TINAG: variants seen among roughly 807,000 people sequenced by gnomAD.
TINAG encodes tubulointerstitial nephritis antigen.
In TINAG, 83 loss-of-function variants were observed where a neutral mutation model predicts 72.7. That is an observed-to-expected ratio of 1.14 (90% CI 0.96 to 1.37). The LOEUF is 1.37. Among genes scored for constraint, TINAG ranks in the 40% most tolerant of loss-of-function variants. The probability of loss-of-function intolerance (pLI) is 0.00; values close to 1 mark genes in which losing one functional copy is unlikely to be tolerated. For missense variants in TINAG, 685 were observed against 576.6 expected (o/e 1.19, Z -1.93); for synonymous variants, 234 against 189.9 (o/e 1.23, Z -1.91).
chr6:54,385,145 GAAAT>G (rs1212029361), intron 10 of TINAG, among the ~76,000 whole-genome samples: 1 of 151,386 alleles, frequency 6.6e-6, no homozygotes, highest in African/African-American at 2.4e-5. Context: ...ATAAATGAAA[GAAAT>G]AATAAACAGA....
intron 9 of TINAG, among the ~76,000 whole-genome samples, chr6:54,361,730 C>T (rs1763243154): frequency 6.6e-6 from 1 of 151,484 alleles, no homozygotes; most frequent in East Asian, 1.9e-4. Flanking sequence ...AAAAGTTAAC[C>T]CTCTTGTACT....
intron 8 of TINAG, among the ~76,000 whole-genome samples, 187 bp downstream of exon 8, chr6:54,351,584 C>T (rs1028269920): frequency 2.6e-5 from 4 of 151,822 alleles, no homozygotes; most frequent in African/African-American, 9.6e-5. Flanking sequence ...TAATTAGCTG[C>T]CATTTTATTT....
chr6:54,310,549 T>A (rs1262668097), intron 1 of TINAG, among the ~76,000 whole-genome samples: 1 of 147,292 alleles, frequency 6.8e-6, no homozygotes, highest in East Asian at 2.1e-4. Flanking sequence ...CTCTCTCCCC[T>A]TCCTTCCTCC....
chr6:54,360,601 C>G (rs1199150129), intron 9 of TINAG, among the ~76,000 whole-genome samples: 1 of 151,584 alleles, frequency 6.6e-6, no homozygotes, highest in Non-Finnish European at 1.5e-5. Context: ...CCCCAAGTCT[C>G]AAGTTGGTTG....
intron 4 of TINAG, among the ~76,000 whole-genome samples, chr6:54,336,090 C>T (rs1433911160): frequency 1.3e-5 from 2 of 152,134 alleles, no homozygotes; most frequent in African/African-American, 4.8e-5. Context: ...TCATTATTCC[C>T]GTAACATGTC....
intron 3 of TINAG, among the ~76,000 whole-genome samples, chr6:54,325,955 G>A (rs1784592871): frequency 6.6e-6 from 1 of 152,076 alleles, no homozygotes; most frequent in Non-Finnish European, 1.5e-5. Flanking sequence ...CATTATAAAC[G>A]ATTTTGGTGA....
chr6:54,321,417 G>C, intron 3 of TINAG, 31 bp downstream of exon 3: 1 of 1,462,966 alleles, frequency 6.8e-7, no homozygotes, highest in Non-Finnish European at 9.6e-7. Context: ...TATGTTTCTT[G>C]ACACTGCCAT....
intron 9 of TINAG, among the ~76,000 whole-genome samples, chr6:54,364,935 T>C (rs1349274803): frequency 6.6e-6 from 1 of 151,532 alleles, no homozygotes; most frequent in Non-Finnish European, 1.5e-5. Context: ...AATTATTATT[T>C]AGGGCAATTA....
At chr6:54,376,636 T>C (rs1263725053) in intron 9 of TINAG, among the ~76,000 whole-genome samples, 2 of 152,164 alleles carry the variant, frequency 1.3e-5, no homozygotes, top group Non-Finnish European at 2.9e-5. Flanking sequence ...AAAAGTTTAG[T>C]GTTTAGCATA....
chr6:54,385,904 T>TTTTC (rs1215426098), intron 10 of TINAG, among the ~76,000 whole-genome samples: 1 of 144,310 alleles, frequency 6.9e-6, no homozygotes, highest in African/African-American at 2.6e-5. Context: ...TTTTTTTTTT[T>TTTTC]CAGACGGAGT....
intron 5 of TINAG, among the ~76,000 whole-genome samples, 192 bp downstream of exon 5, chr6:54,343,541 T>A (rs1785051353): frequency 6.6e-6 from 1 of 151,886 alleles, no homozygotes; most frequent in South Asian, 2.1e-4. Context: ...AAGTTTTTTT[T>A]TTTTATTTTA....
chr6:54,324,619 C>T (rs1170306677), intron 3 of TINAG, among the ~76,000 whole-genome samples: 3 of 152,172 alleles, frequency 2.0e-5, no homozygotes, highest in African/African-American at 7.2e-5. Context: ...AACCAGCTCA[C>T]CCCAAACTGC....
At chr6:54,359,836 T>C (rs770262336) in intron 9 of TINAG, among the ~76,000 whole-genome samples, 20 of 151,826 alleles carry the variant, frequency 1.3e-4, no homozygotes, top group Non-Finnish European at 2.7e-4. Context: ...AATTACTACA[T>C]TCAAGAAATG....
Position 54,327,165 on chromosome 6 carries a change from T to C in TINAG, c.624+249T>C, listed in dbSNP as rs1784624392. The C allele has an allele frequency of 5.2e-6, 8 of 1,547,120 alleles. No individual in the cohort carries two copies. The South Asian group carries it at 8.4e-5, about 16-fold the overall frequency. On this transcript the variant is annotated intron_variant, in intron 4 of 10. Transcript: ENST00000259782. The stretch of plus-strand genomic sequence containing the variant: ...GGAATGATTGAATGGGCTGGCAAGA[T>C]GGCCGATCAAGAACAGCTCTGGTTG...
chr6:54,308,957 C>A, intron 1 of TINAG, 52 bp downstream of exon 1: 1 of 1,389,382 alleles, frequency 7.2e-7, no homozygotes, highest in Non-Finnish European at 9.8e-7. Flanking sequence ...ACAACAAGAT[C>A]TGACAAACGT....
In TINAG at chr6:54,314,260, G is replaced by T. The variant is rs988097982; in HGVS notation, c.355+5355G>T. Among the ~76,000 whole-genome samples the T allele has an allele frequency of 1.8e-3, 280 of 152,116 alleles. 1 individual carries two copies. The highest frequency in any genetic ancestry group is 2.1e-4 in the Non-Finnish European group (14 of 68,016). ...GATTCACTTTGTCATTAGCCACGAG[G>T]CTCCATGCAGCCTTCTGCTTCACCA... is the stretch of plus-strand genomic sequence containing the variant. On this transcript the variant is annotated intron_variant, in intron 1 of 10. Transcript: ENST00000259782.
At chr6:54,379,266 G>A (rs1426812366) in intron 9 of TINAG, among the ~76,000 whole-genome samples, 1 of 152,154 alleles carries the variant, frequency 6.6e-6, no homozygotes, top group Non-Finnish European at 1.5e-5. Context: ...GCAATATAAT[G>A]TATTAAGAAG....
chr6:54,383,373 T>TA lies in TINAG; in HGVS notation c.1296+2803dup, dbSNP rs1764007093. 2.0e-5 allele frequency among the ~76,000 whole-genome samples: 3 copies of TA among 152,288 alleles called. No individual in the cohort carries two copies. The South Asian group carries it at 6.2e-4, about 32-fold the overall frequency. ...TAGTCCTATGATATAAACCTATTTT[T>TA]ATAATAAAAATATTGAAAGTCTTTC... On this transcript the variant is annotated intron_variant, in intron 10 of 10. Transcript: ENST00000259782.
At chr6:54,332,048 T>G (rs1300177829) in intron 4 of TINAG, among the ~76,000 whole-genome samples, 3 of 152,198 alleles carry the variant, frequency 2.0e-5, no homozygotes, top group African/African-American at 7.2e-5. Context: ...CTGCCTAAAG[T>G]TATTTATAGA....
Sources: gnomAD v4.1 joint callset for allele counts (sites outside exome capture counted in the v4.1 genomes callset) on GRCh38, gnomAD v4.1.1 for gene constraint, MANE v1.5 for transcripts, NCBI Gene and HGNC (gene_info 2026-07-23, HGNC 2026-07-21) for gene names.